Variants in RAVER2 observed in about 807,000 individuals in gnomAD.
The protein encoded by RAVER2 is ribonucleoprotein PTB-binding 2.
A neutral mutation model predicts 78.1 loss-of-function variants in RAVER2; 46 were observed. That is an observed-to-expected ratio of 0.59 (90% CI 0.46 to 0.75). The LOEUF (loss-of-function observed/expected upper bound fraction) is 0.75. Ranked by LOEUF, RAVER2 falls within the 30% of genes least tolerant of loss-of-function variation. RAVER2 has a pLI of 0.00. For missense variants in RAVER2, 793 were observed against 837.5 expected (o/e 0.95, Z 0.66); for synonymous variants, 311 against 313.3 (o/e 0.99, Z 0.08).
chr1:64,795,016 AT>A (rs1011620113), intron 5 of RAVER2, among the ~76,000 whole-genome samples: 69 of 149,438 alleles, frequency 4.6e-4, no homozygotes, highest in Non-Finnish European at 7.9e-4. Context: ...AAGAGTCCAG[AT>A]TTTTTTTTTA....
Position 64,830,908 on chromosome 1 carries a change from G to C in RAVER2, c.1999G>C (p.Glu667Gln), listed in dbSNP as rs546314803. Residue 667 changes from glutamate to glutamine, a missense_variant, in exon 12 of 12, where the codon GAA (glutamate) becomes CAA (glutamine). Coordinates refer to ENST00000294428, the Ensembl canonical transcript of RAVER2. ...CTCTGCCCCAGAAGGTGGTTCAGTG[G>C]AATGTGTTGACCAGCATTCTCAGGG... 8.7e-6 allele frequency: 14 copies of C among 1,613,672 alleles called. No individual in the cohort carries two copies. In the African/African-American group the frequency reaches 1.7e-4, roughly 20 times the overall value.
At chr1:64,755,694 A>G (rs1279743154) in intron 1 of RAVER2, among the ~76,000 whole-genome samples, 1 of 141,894 alleles carries the variant, frequency 7.0e-6, no homozygotes, top group Non-Finnish European at 1.5e-5. Context: ...TTCCAAAGTA[A>G]TCTCCATTTC....
At chr1:64,764,066 A>G (rs1007079918) in intron 1 of RAVER2, among the ~76,000 whole-genome samples, 1 of 152,180 alleles carries the variant, frequency 6.6e-6, no homozygotes, top group African/African-American at 2.4e-5. Flanking sequence ...ATTCCCATCA[A>G]CAGGAGATGA....
At chr1:64,753,617 A>G (rs966778825) in intron 1 of RAVER2, among the ~76,000 whole-genome samples, 7 of 134,340 alleles carry the variant, frequency 5.2e-5, no homozygotes, top group African/African-American at 2.0e-4. Flanking sequence ...TCCGCCTCCC[A>G]GTTTCAAGTG....
intron 9 of RAVER2, among the ~76,000 whole-genome samples, chr1:64,811,256 T>C (rs1249662235): frequency 2.0e-5 from 3 of 152,200 alleles, no homozygotes; most frequent in African/African-American, 7.2e-5. Flanking sequence ...TGAGCTCAAG[T>C]GTTGAGAGGA....
intron 11 of RAVER2, among the ~76,000 whole-genome samples, chr1:64,818,741 G>A (rs1428507240): frequency 2.0e-5 from 3 of 152,132 alleles, no homozygotes; most frequent in East Asian, 1.9e-4. Flanking sequence ...ACTAGCTTGA[G>A]GAGTCAGAAG....
chr1:64,791,871 G>T (rs1023244507), intron 5 of RAVER2, among the ~76,000 whole-genome samples: 15 of 152,064 alleles, frequency 9.9e-5, no homozygotes, highest in Admixed American at 8.5e-4. Context: ...CATAATAAAA[G>T]CCTCCTAATA....
intron 4 of RAVER2, among the ~76,000 whole-genome samples, chr1:64,782,013 C>T (rs1652644367): frequency 6.6e-6 from 1 of 152,198 alleles, no homozygotes; most frequent in Non-Finnish European, 1.5e-5. Context: ...AAGCAATTCT[C>T]CTGCCTCAGT....
At chr1:64,784,153 G>A (rs1214555589) in intron 4 of RAVER2, among the ~76,000 whole-genome samples, 1 of 152,218 alleles carries the variant, frequency 6.6e-6, no homozygotes, top group African/African-American at 2.4e-5. Context: ...GGAGGCCAAG[G>A]TGGGAGGATT....
chr1:64,774,844 T>G (rs1652418641), intron 2 of RAVER2, among the ~76,000 whole-genome samples: 1 of 152,234 alleles, frequency 6.6e-6, no homozygotes, highest in African/African-American at 2.4e-5. Flanking sequence ...TGTCCTCTCT[T>G]ATTTCATTGA....
chr1:64,798,783 T>C (rs1427353338), intron 5 of RAVER2, among the ~76,000 whole-genome samples: 1 of 152,176 alleles, frequency 6.6e-6, no homozygotes, highest in Non-Finnish European at 1.5e-5. Context: ...CAAGTTTTTT[T>C]CCATTAAGAA....
exon 11 of RAVER2, chr1:64,814,751 A>G (rs773433723): frequency 1.3e-6 from 2 of 1,584,568 alleles, no homozygotes; most frequent in Non-Finnish European, 1.7e-6. Flanking sequence ...TGCAAGCAGC[A>G]TTCTGGATGC....
chr1:64,806,429 A>G (rs1653420928), intron 8 of RAVER2, among the ~76,000 whole-genome samples: 1 of 152,076 alleles, frequency 6.6e-6, no homozygotes, highest in African/African-American at 2.4e-5. Flanking sequence ...AAACAAAAAA[A>G]CCCTTTTATT....
chr1:64,832,596 C>CTGTT (rs1654183148), exon 12 of RAVER2: 1 of 152,182 alleles, frequency 6.6e-6, no homozygotes, highest in Non-Finnish European at 1.5e-5. Context: ...TGTGGATATC[C>CTGTT]TGTTTTAATT....
intron 2 of RAVER2, among the ~76,000 whole-genome samples, chr1:64,769,450 A>G (rs1166798338): frequency 6.6e-6 from 1 of 152,040 alleles, no homozygotes; most frequent in African/African-American, 2.4e-5. Flanking sequence ...AATTTATGCA[A>G]TTACATTTTG....
intron 6 of RAVER2, among the ~76,000 whole-genome samples, chr1:64,804,441 T>C (rs1653355202): frequency 6.6e-6 from 1 of 152,094 alleles, no homozygotes; most frequent in African/African-American, 2.4e-5. Context: ...TGTTGAATGA[T>C]TAAATGAATA....
intron 1 of RAVER2, among the ~76,000 whole-genome samples, chr1:64,759,056 G>A (rs1049215271): frequency 9.2e-5 from 14 of 151,808 alleles, no homozygotes; most frequent in Admixed American, 2.6e-4. Context: ...TGCTCAAGGA[G>A]AACCTTTTAT....
intron 10 of RAVER2, among the ~76,000 whole-genome samples, chr1:64,814,148 G>A (rs976250069): frequency 4.6e-5 from 7 of 152,070 alleles, no homozygotes; most frequent in African/African-American, 7.2e-5. Context: ...AGTCTGGAGT[G>A]CAGTGGCATC....
intron 11 of RAVER2, among the ~76,000 whole-genome samples, chr1:64,817,467 G>C (rs1233754290): frequency 6.6e-6 from 1 of 152,074 alleles, no homozygotes; most frequent in Non-Finnish European, 1.5e-5. Flanking sequence ...TGTTTATAGA[G>C]GCACTATTCA....
Sources: gnomAD v4.1 joint callset for allele counts (sites outside exome capture counted in the v4.1 genomes callset) on GRCh38, gnomAD v4.1.1 for gene constraint, MANE v1.5 for transcripts, NCBI Gene and HGNC (gene_info 2026-07-23, HGNC 2026-07-21) for gene names.